Variants in NAALADL2 observed in about 807,000 individuals in gnomAD.
NAALADL2 encodes the protein inactive N-acetylated-alpha-linked acidic dipeptidase-like protein 2.
Under a neutral mutation model 87.2 loss-of-function variants are expected in NAALADL2, and 76 were observed. The ratio of observed to expected loss-of-function variants is 0.87; its 90% CI spans 0.72 to 1.05. The LOEUF (loss-of-function observed/expected upper bound fraction) is 1.05. Among genes scored for constraint, NAALADL2 ranks in the 50% least tolerant of loss-of-function variants. NAALADL2 has a pLI of 0.00. For synonymous variants in NAALADL2, 354 were observed against 331.0 expected (o/e 1.07, Z -0.75); for missense variants, 1,089 against 945.8 (o/e 1.15, Z -1.99).
intron 5 of NAALADL2, among the ~76,000 whole-genome samples, chr3:175,420,248 A>C (rs1457962154): frequency 1.3e-5 from 2 of 152,016 alleles, no homozygotes; most frequent in Non-Finnish European, 2.9e-5. Flanking sequence ...TAGCCTGATT[A>C]CTATATAGTC....
chr3:175,056,898 C>A (rs1250777864), intron 1 of NAALADL2, among the ~76,000 whole-genome samples: 1 of 152,176 alleles, frequency 6.6e-6, no homozygotes, highest in East Asian at 1.9e-4. Flanking sequence ...TTCCGGTAAA[C>A]CCACAACCTT....
intron 1 of NAALADL2, among the ~76,000 whole-genome samples, chr3:175,090,108 A>G (rs1719799438): frequency 6.6e-6 from 1 of 152,154 alleles, no homozygotes; most frequent in Non-Finnish European, 1.5e-5. Context: ...AAGCAGGAAA[A>G]GATACTCTGG....
chr3:174,604,749 G>C (rs369639251), intron 2 of NAALADL2, among the ~76,000 whole-genome samples: 3 of 149,722 alleles, frequency 2.0e-5, no homozygotes, highest in Admixed American at 6.6e-5. Flanking sequence ...TGTATGTTTT[G>C]TTCTTTTCTT....
intron 5 of NAALADL2, among the ~76,000 whole-genome samples, chr3:175,329,270 G>T (rs773218525): frequency 2.0e-5 from 3 of 152,062 alleles, no homozygotes; most frequent in Admixed American, 6.6e-5. Flanking sequence ...GGAGAGAAAA[G>T]TCTTTTCAGT....
chr3:175,217,050 G>C (rs1742665758), intron 2 of NAALADL2, among the ~76,000 whole-genome samples: 2 of 152,276 alleles, frequency 1.3e-5, no homozygotes, highest in South Asian at 4.1e-4. Context: ...CCTCTGGAAT[G>C]TATCTAAAAC....
chr3:175,230,427 GAACA>G (rs1744774978), intron 2 of NAALADL2, among the ~76,000 whole-genome samples: 2 of 151,910 alleles, frequency 1.3e-5, no homozygotes, highest in Non-Finnish European at 2.9e-5. Context: ...AGATTATTCA[GAACA>G]TACAAAAACT....
intron 11 of NAALADL2, among the ~76,000 whole-genome samples, chr3:175,627,790 T>G (rs1049609851): frequency 6.6e-6 from 1 of 151,658 alleles, no homozygotes; most frequent in Non-Finnish European, 1.5e-5. Flanking sequence ...GAAAGCACTA[T>G]AGTTATTCTA....
At chr3:175,123,557 G>A (rs186427363) in intron 2 of NAALADL2, among the ~76,000 whole-genome samples, 17 of 151,784 alleles carry the variant, frequency 1.1e-4, no homozygotes, top group South Asian at 4.2e-4. Flanking sequence ...CCTCTATTTC[G>A]GACTTTCTCT....
chr3:175,581,778 G>A (rs1455102432), intron 10 of NAALADL2, among the ~76,000 whole-genome samples: 1 of 152,176 alleles, frequency 6.6e-6, no homozygotes, highest in Non-Finnish European at 1.5e-5. Flanking sequence ...GATCCTTGAA[G>A]GTCTCTGGCC....
intron 9 of NAALADL2, among the ~76,000 whole-genome samples, chr3:175,498,548 T>G (rs2149362044): frequency 6.6e-6 from 1 of 152,220 alleles, no homozygotes; most frequent in Admixed American, 6.6e-5. Context: ...TCATTTGTAG[T>G]ACCATGTGGG....
chr3:174,460,425 A>G (rs558820252), intron 1 of NAALADL2, among the ~76,000 whole-genome samples: 3 of 152,046 alleles, frequency 2.0e-5, no homozygotes, highest in Non-Finnish European at 4.4e-5. Flanking sequence ...AAAATAAAGT[A>G]TTCTATTTTG....
chr3:175,660,439 A>G (rs1163040359), intron 11 of NAALADL2, among the ~76,000 whole-genome samples: 1 of 152,170 alleles, frequency 6.6e-6, no homozygotes, highest in East Asian at 1.9e-4. Flanking sequence ...ACATGTACAC[A>G]ATGTGTAATA....
chr3:175,643,551 G>A (rs980874019), intron 11 of NAALADL2, among the ~76,000 whole-genome samples: 7 of 152,210 alleles, frequency 4.6e-5, no homozygotes, highest in Non-Finnish European at 1.0e-4. Flanking sequence ...TAGTATCTCA[G>A]TAGGTGCTAT....
chr3:174,576,870 G>C (rs1715586307), intron 2 of NAALADL2, among the ~76,000 whole-genome samples: 1 of 152,110 alleles, frequency 6.6e-6, no homozygotes. Flanking sequence ...TCTGCAATGT[G>C]ATAGAGTAAA....
At chr3:175,439,756 G>A (rs1285637980) in intron 5 of NAALADL2, among the ~76,000 whole-genome samples, 1 of 91,482 alleles carries the variant, frequency 1.1e-5, no homozygotes, top group East Asian at 2.8e-4. Context: ...TTGATGATTT[G>A]TTTGAGTTCC....
chr3:174,719,460 A>G (rs1042352616), intron 2 of NAALADL2, among the ~76,000 whole-genome samples: 1 of 152,212 alleles, frequency 6.6e-6, no homozygotes, highest in African/African-American at 2.4e-5. Flanking sequence ...CCTATGTGCT[A>G]TAAGTTCATG....
chr3:175,502,077 A>G (rs1729621691), intron 9 of NAALADL2, among the ~76,000 whole-genome samples: 1 of 152,154 alleles, frequency 6.6e-6, no homozygotes, highest in South Asian at 2.1e-4. Flanking sequence ...AAGTAAAATA[A>G]AAGCACATTG....
At chr3:175,411,943 T>A (rs576297049) in intron 5 of NAALADL2, among the ~76,000 whole-genome samples, 1 of 151,618 alleles carries the variant, frequency 6.6e-6, no homozygotes, top group South Asian at 2.1e-4. Context: ...AGGGCTAGAG[T>A]CAAATTATGA....
chr3:175,083,458 A>G (rs185435051), intron 1 of NAALADL2, among the ~76,000 whole-genome samples: 7 of 152,316 alleles, frequency 4.6e-5, no homozygotes, highest in African/African-American at 1.7e-4. Context: ...AAATATTAAT[A>G]ACTAGTACTT....
Sources: allele counts gnomAD v4.1 joint callset (sites outside exome capture counted in the v4.1 genomes callset), GRCh38; gene constraint gnomAD v4.1.1; transcripts MANE v1.5; gene names NCBI Gene and HGNC (gene_info 2026-07-23, HGNC 2026-07-21).